UBE2W: variants seen among roughly 807,000 people sequenced by gnomAD.
UBE2W encodes ubiquitin conjugating enzyme E2 W.
In UBE2W, 18 loss-of-function variants were observed where a neutral mutation model predicts 27.2. The ratio of observed to expected loss-of-function variants is 0.66; its 90% CI spans 0.46 to 0.98. The LOEUF (loss-of-function observed/expected upper bound fraction) is 0.98. Ranked by LOEUF, UBE2W falls within the 50% of genes least tolerant of loss-of-function variation. UBE2W has a pLI of 0.00. For synonymous variants in UBE2W, 53 were observed against 57.2 expected (o/e 0.93, Z 0.33); for missense variants, 90 against 180.2 (o/e 0.50, Z 2.87).
In UBE2W at chr8:73,805,745, TA is replaced by T; in HGVS notation, c.367-20del. The T allele has an allele frequency of 6.9e-7, 1 of 1,448,286 alleles. No homozygotes were observed. The allele number at this position is 1,448,286 out of a possible 1,614,324, so 89.7% of individuals were successfully genotyped here. On this transcript the variant is annotated intron_variant, in intron 4 of 5. Coordinates refer to ENST00000602593, the MANE Select transcript of UBE2W (RefSeq NM_018299.6). ...GTCGTCTCTGAAACAAAAAATAATT[TA>T]AATAGGTTGAAAAACAGAAAAACTG... is the stretch of plus-strand genomic sequence containing the variant.
downstream of UBE2W, chr8:73,786,171 C>G (rs186370892): frequency 1.9e-5 from 18 of 964,116 alleles, no homozygotes; most frequent in East Asian, 1.8e-3. Context: ...AGCAATTTGC[C>G]TCAGAGATAA....
intron 1 of UBE2W, among the ~76,000 whole-genome samples, chr8:73,837,507 T>C (rs926439856): frequency 1.3e-5 from 2 of 152,190 alleles, no homozygotes; most frequent in Admixed American, 6.5e-5. Flanking sequence ...AGTGAGACTC[T>C]TGTCTTAAAA....
intron 1 of UBE2W, among the ~76,000 whole-genome samples, chr8:73,857,568 A>C (rs1474220676): frequency 6.6e-6 from 1 of 152,180 alleles, no homozygotes. Context: ...CTGTAATCCC[A>C]GCACTTTGTG....
At chr8:73,870,881 A>T (rs901404109) in intron 1 of UBE2W, among the ~76,000 whole-genome samples, 20 of 151,268 alleles carry the variant, frequency 1.3e-4, no homozygotes, top group African/African-American at 4.4e-4. Flanking sequence ...GTGTGAGAAG[A>T]GCATTCCAAA....
At chr8:73,803,587 T>A (rs1808736179) in intron 5 of UBE2W, among the ~76,000 whole-genome samples, 1 of 152,196 alleles carries the variant, frequency 6.6e-6, no homozygotes, top group Non-Finnish European at 1.5e-5. Context: ...ATTCACTGGA[T>A]TTGTAATGAA....
At chr8:73,813,744 C>T (rs1183842261) in intron 3 of UBE2W, among the ~76,000 whole-genome samples, 4 of 140,812 alleles carry the variant, frequency 2.8e-5, no homozygotes, top group Non-Finnish European at 4.5e-5. Context: ...ATAGTTTCCA[C>T]AGATGGTTTT....
intron 1 of UBE2W, among the ~76,000 whole-genome samples, chr8:73,833,014 C>G (rs530664470): frequency 6.6e-6 from 1 of 151,630 alleles, no homozygotes; most frequent in African/African-American, 2.4e-5. Context: ...ATGGTGAAAC[C>G]CTACTAAAAA....
At chr8:73,816,905 G>A (rs915903147) in intron 3 of UBE2W, among the ~76,000 whole-genome samples, 3 of 151,986 alleles carry the variant, frequency 2.0e-5, no homozygotes, top group South Asian at 2.1e-4. Context: ...TTTGTGGTGC[G>A]CGCCTGTAAT....
chr8:73,835,223 G>C (rs941063249), intron 1 of UBE2W, among the ~76,000 whole-genome samples: 1 of 146,452 alleles, frequency 6.8e-6, no homozygotes, highest in Non-Finnish European at 1.5e-5. Flanking sequence ...AATGGAAAAG[G>C]GTTCTATAGA....
At position 73,787,096 on chromosome 8, in the gene UBE2W, G is replaced by A. The variant is rs996959193; in HGVS notation, c.*7006C>T. The A allele has an allele frequency of 1.0e-6, 1 of 985,252 alleles. No individual in the cohort carries two copies. The highest frequency in any genetic ancestry group is 1.2e-6 in the Non-Finnish European group (1 of 829,942). 61.0% of individuals were successfully genotyped at this position (985,252 alleles called of 1,614,324 possible). A position where few individuals can be genotyped will look rare whatever the true frequency, so the allele number is the denominator to read the frequency against. ...TCCATAATCCACTTAACTGTAAAGGGCGTAGGGATTCCCACTTATGTATTT... is the reference window on the plus strand; with the variant it reads ...TCCATAATCCACTTAACTGTAAAGGACGTAGGGATTCCCACTTATGTATTT... On this transcript the variant is annotated 3_prime_UTR_variant, in exon 6 of 6. Coordinates refer to ENST00000602593, the MANE Select transcript of UBE2W (RefSeq NM_018299.6).
intron 1 of UBE2W, among the ~76,000 whole-genome samples, chr8:73,878,216 A>G (rs1326745037): frequency 2.0e-5 from 3 of 152,236 alleles, no homozygotes; most frequent in Non-Finnish European, 2.9e-5. Context: ...GCTGATGGAA[A>G]TAGAAGATAC....
intron 1 of UBE2W, among the ~76,000 whole-genome samples, chr8:73,842,362 G>A (rs1034638909): frequency 5.3e-5 from 8 of 150,928 alleles, no homozygotes; most frequent in South Asian, 2.1e-4. Flanking sequence ...ACCCTGTCTC[G>A]ACTAAAAATA....
chr8:73,846,649 T>C (rs1810813653), intron 1 of UBE2W, among the ~76,000 whole-genome samples: 1 of 152,206 alleles, frequency 6.6e-6, no homozygotes, highest in East Asian at 1.9e-4. Context: ...TAGATCTTTT[T>C]TAAATTTTGG....
intron 1 of UBE2W, among the ~76,000 whole-genome samples, chr8:73,834,439 C>G (rs1384136531): frequency 6.6e-6 from 1 of 152,166 alleles, no homozygotes; most frequent in African/African-American, 2.4e-5. Context: ...TTTCCATATA[C>G]TAACTTGTAC....
chr8:73,839,446 GTT>G (rs1342885004), intron 1 of UBE2W, among the ~76,000 whole-genome samples: 1 of 151,340 alleles, frequency 6.6e-6, no homozygotes, highest in South Asian at 2.1e-4. Flanking sequence ...GAGGTCAGGA[GTT>G]TGAGACCAAC....
Position 73,793,803 on chromosome 8 carries a change from G to T in UBE2W, c.*299C>A. 4 of 1,114,964 alleles carry T rather than the reference G, an allele frequency of 3.6e-6. No homozygotes were observed. Among genetic ancestry groups the T allele is most frequent in the Non-Finnish European group, 4.4e-6 (4 of 911,918 alleles). 69.1% of individuals were successfully genotyped at this position (1,114,964 alleles called of 1,614,324 possible). A position where few individuals can be genotyped will look rare whatever the true frequency, so the allele number is the denominator to read the frequency against. On this transcript the variant is annotated 3_prime_UTR_variant, in exon 6 of 6. Coordinates refer to ENST00000602593, the MANE Select transcript of UBE2W (RefSeq NM_018299.6). ...AAGTCATTGTTATTGCACAATACATGAGGACCTGGAGCTTTTCCAAAAGCT... is the reference window on the plus strand; with the variant it reads ...AAGTCATTGTTATTGCACAATACATTAGGACCTGGAGCTTTTCCAAAAGCT...
chr8:73,821,266 T>C (rs999891918), intron 3 of UBE2W, among the ~76,000 whole-genome samples: 1 of 152,080 alleles, frequency 6.6e-6, no homozygotes, highest in African/African-American at 2.4e-5. Context: ...AGGATGAATC[T>C]ACCTCCCCTA....
intron 5 of UBE2W, among the ~76,000 whole-genome samples, chr8:73,798,061 G>A (rs1222690969): frequency 2.0e-5 from 3 of 152,152 alleles, no homozygotes; most frequent in Non-Finnish European, 2.9e-5. Context: ...GCTGAGGCGG[G>A]CAGATTGCTT....
At chr8:73,848,166 G>A (rs1408574761) in intron 1 of UBE2W, among the ~76,000 whole-genome samples, 2 of 151,966 alleles carry the variant, frequency 1.3e-5, no homozygotes, top group Non-Finnish European at 1.5e-5. Context: ...GTGCCATTGC[G>A]CTCCAGCCTG....
Sources: allele counts gnomAD v4.1 joint callset (sites outside exome capture counted in the v4.1 genomes callset), GRCh38; gene constraint gnomAD v4.1.1; transcripts MANE v1.5; gene names NCBI Gene and HGNC (gene_info 2026-07-23, HGNC 2026-07-21).